The following ADAMTS6 variants were observed in gnomAD, a reference collection of about 807,000 sequenced individuals.
ADAMTS6 encodes ADAM metallopeptidase with thrombospondin type 1 motif 6, also known as A disintegrin and metalloproteinase with thrombospondin motifs 6.
Under a neutral mutation model 144.3 loss-of-function variants are expected in ADAMTS6, and 23 were observed. The observed-to-expected ratio is 0.16, with a 90% CI of 0.11 to 0.23. The LOEUF is 0.23. Ranked by LOEUF, ADAMTS6 falls within the 10% of genes least tolerant of loss-of-function variation. The pLI, the probability that ADAMTS6 is intolerant of heterozygous loss-of-function variation, is 1.00. For synonymous variants in ADAMTS6, 444 were observed against 457.5 expected, an observed-to-expected ratio of 0.97 and a Z score of 0.38; for missense variants, 999 against 1,379.6, an observed-to-expected ratio of 0.72 and a Z score of 4.37.
chr5:65,370,092 C>T (rs1439580270), intron 7 of ADAMTS6, among the ~76,000 whole-genome samples: 2 of 152,046 alleles, frequency 1.3e-5, no homozygotes, highest in African/African-American at 4.8e-5. Flanking sequence ...CAGTGAACCT[C>T]AAAATGTATG....
At chr5:65,409,868 A>G (rs1342646443) in intron 7 of ADAMTS6, among the ~76,000 whole-genome samples, 2 of 152,230 alleles carry the variant, frequency 1.3e-5, no homozygotes, top group Non-Finnish European at 2.9e-5. Context: ...AACGTAATCC[A>G]TCATATAAAC....
intron 3 of ADAMTS6, among the ~76,000 whole-genome samples, chr5:65,468,072 C>T (rs1016926180): frequency 6.6e-6 from 1 of 151,866 alleles, no homozygotes; most frequent in African/African-American, 2.4e-5. Flanking sequence ...AAAACAAAAC[C>T]TGAGTAAGAA....
At chr5:65,175,192 G>C (rs1261840558) in intron 22 of ADAMTS6, among the ~76,000 whole-genome samples, 1 of 151,766 alleles carries the variant, frequency 6.6e-6, no homozygotes, top group Admixed American at 6.6e-5. Context: ...GAGAGACAGA[G>C]GAGGAAAGAG....
chr5:65,284,455 G>C (rs1485707354), intron 11 of ADAMTS6, among the ~76,000 whole-genome samples: 1 of 151,926 alleles, frequency 6.6e-6, no homozygotes, highest in African/African-American at 2.4e-5. Context: ...CTACTGGGTA[G>C]GTTTGTTTCA....
chr5:65,293,023 T>C (rs1742475276), intron 10 of ADAMTS6, among the ~76,000 whole-genome samples: 1 of 152,070 alleles, frequency 6.6e-6, no homozygotes, highest in African/African-American at 2.4e-5. Flanking sequence ...TTACGTAAAA[T>C]ATCTTTAATT....
chr5:65,235,191 G>A (rs1758573484), intron 15 of ADAMTS6, among the ~76,000 whole-genome samples: 1 of 152,154 alleles, frequency 6.6e-6, no homozygotes, highest in South Asian at 2.1e-4. Context: ...AATTTGTTAA[G>A]AGAGTAGATC....
chr5:65,326,992 C>T (rs1005196199), intron 9 of ADAMTS6, among the ~76,000 whole-genome samples: 1 of 152,090 alleles, frequency 6.6e-6, no homozygotes, highest in Non-Finnish European at 1.5e-5. Context: ...GAAATGTGAT[C>T]CCAAATACTG....
rs869036346 is a variant in ADAMTS6, at chr5:65,470,692, AT to A, written c.462+85del. The stretch of plus-strand genomic sequence containing the variant: ...ACTTAAACTACCTATATATATATAT[AT>A]TTTTTTTTTAATCTGAGGAAAGACA... On this transcript the variant is annotated intron_variant, in intron 3 of 24. Coordinates refer to ENST00000381055, the MANE Select transcript of ADAMTS6 (RefSeq NM_197941.4). 7.4e-3 allele frequency: 7,255 copies of A among 984,582 alleles called. 7 individuals are homozygous for A. Among genetic ancestry groups the A allele is most frequent in the East Asian group, 0.012 (325 of 26,878 alleles). 61.0% of individuals were successfully genotyped at this position (984,582 alleles called of 1,614,324 possible).
chr5:65,166,957 A>C (rs945988272), intron 24 of ADAMTS6, among the ~76,000 whole-genome samples: 1 of 145,698 alleles, frequency 6.9e-6, no homozygotes, highest in Admixed American at 6.9e-5. Flanking sequence ...ACACCCTAAC[A>C]TCACAATTAA....
In ADAMTS6 at chr5:65,200,834, C is replaced by T. The variant is rs532940624; in HGVS notation, c.2576-3683G>A. On this transcript the variant is annotated intron_variant, in intron 20 of 24. Transcript: ENST00000381055. ...ATATATATTTACTTTAAACCCTCTA[C>T]AAAAGGTATATTCTGTTTAGAGACT... Among the ~76,000 whole-genome samples, 153 of 152,240 alleles carry T rather than the reference C, an allele frequency of 1.0e-3. 1 individual carries two copies. Among genetic ancestry groups the T allele is most frequent in the African/African-American group, 3.5e-3 (147 of 41,550 alleles).
At chr5:65,466,386 C>T (rs1166871929) in intron 3 of ADAMTS6, among the ~76,000 whole-genome samples, 2 of 152,198 alleles carry the variant, frequency 1.3e-5, no homozygotes, top group Admixed American at 1.3e-4. Flanking sequence ...CCAGCATTTC[C>T]TTCCTCCTTT....
At chr5:65,371,029 G>A (rs530126658) in intron 7 of ADAMTS6, among the ~76,000 whole-genome samples, 1 of 151,994 alleles carries the variant, frequency 6.6e-6, no homozygotes, top group African/African-American at 2.4e-5. Flanking sequence ...CACCTCACAT[G>A]GCCGGGTACT....
At chr5:65,281,104 TA>T (rs1561372005) in intron 11 of ADAMTS6, among the ~76,000 whole-genome samples, 2 of 152,226 alleles carry the variant, frequency 1.3e-5, no homozygotes, top group African/African-American at 4.8e-5. Flanking sequence ...GTATCTCATT[TA>T]TTCATCATGG....
chr5:65,241,925 T>C (rs968762526), intron 15 of ADAMTS6, among the ~76,000 whole-genome samples, 179 bp downstream of exon 15: 1 of 152,198 alleles, frequency 6.6e-6, no homozygotes, highest in Non-Finnish European at 1.5e-5. Flanking sequence ...TAAACCTTAT[T>C]ACAGGGCAAA....
At chr5:65,260,224 G>T (rs1453025377) in intron 14 of ADAMTS6, among the ~76,000 whole-genome samples, 3 of 152,198 alleles carry the variant, frequency 2.0e-5, no homozygotes, top group Non-Finnish European at 4.4e-5. Flanking sequence ...GAGGGATAAT[G>T]TAGGAGTCTG....
chr5:65,216,610 G>A (rs1249285299), intron 18 of ADAMTS6, among the ~76,000 whole-genome samples: 2 of 151,956 alleles, frequency 1.3e-5, no homozygotes, highest in Admixed American at 6.6e-5. Context: ...AATGCCAGAT[G>A]GGTAAATATT....
At chr5:65,447,573 T>A (rs563298633) in intron 7 of ADAMTS6, among the ~76,000 whole-genome samples, 1 of 152,156 alleles carries the variant, frequency 6.6e-6, no homozygotes, top group East Asian at 1.9e-4. Flanking sequence ...ACAGTTGTAT[T>A]TTGCCTTCAA....
At chr5:65,334,555 G>A (rs1021803958) in intron 7 of ADAMTS6, among the ~76,000 whole-genome samples, 1 of 151,970 alleles carries the variant, frequency 6.6e-6, no homozygotes, top group African/African-American at 2.4e-5. Flanking sequence ...ACAGGTTCTT[G>A]TTAAAGAAAA....
In ADAMTS6 at chr5:65,481,915, C is replaced by T. The variant is rs77583533; in HGVS notation, c.-852G>A. The T allele has an allele frequency of 0.025, 3,833 of 152,596 alleles. 82 individuals are homozygous for T. Among genetic ancestry groups the T allele is most frequent in the Non-Finnish European group, 0.036 (2,470 of 68,324 alleles). The allele number at this position is 152,596 out of a possible 1,614,324, so 9.5% of individuals were successfully genotyped here. ...TGGCAGCTTTTCCTCGGAGGCAGAG[C>T]ACACTGACGTCAGTCTGCAGATGTG... On this transcript the variant is annotated 5_prime_UTR_variant, in exon 1 of 25. Transcript: ENST00000381055.
Sources: allele counts gnomAD v4.1 joint callset (sites outside exome capture counted in the v4.1 genomes callset), GRCh38; gene constraint gnomAD v4.1.1; transcripts MANE v1.5; gene names NCBI Gene and HGNC (gene_info 2026-07-23, HGNC 2026-07-21).